TMEM232: variants seen among roughly 807,000 people sequenced by gnomAD.
TMEM232 encodes transmembrane protein 232.
A neutral mutation model predicts 78.8 loss-of-function variants in TMEM232; 80 were observed. The ratio of observed to expected loss-of-function variants is 1.01; its 90% CI spans 0.85 to 1.22. TMEM232 has a LOEUF of 1.22. Among genes scored for constraint, TMEM232 ranks in the 50% most tolerant of loss-of-function variants. TMEM232 has a pLI of 0.00. For synonymous variants in TMEM232, 297 were observed against 254.3 expected (o/e 1.17, Z -1.60); for missense variants, 881 against 742.2 (o/e 1.19, Z -2.17).
downstream of TMEM232, among the ~76,000 whole-genome samples, chr5:110,419,276 A>C (rs1756427284): frequency 6.6e-6 from 1 of 152,078 alleles, no homozygotes; most frequent in Non-Finnish European, 1.5e-5. Context: ...ATTTGAGAAC[A>C]CAAGCATAAG....
chr5:110,481,887 A>C (rs1333180249), intron 12 of TMEM232, among the ~76,000 whole-genome samples: 1 of 152,204 alleles, frequency 6.6e-6, no homozygotes, highest in Non-Finnish European at 1.5e-5. Flanking sequence ...GTGAAAGCTA[A>C]TAAGAATAGG....
chr5:110,662,429 T>G (rs1580559174), intron 2 of TMEM232, among the ~76,000 whole-genome samples: 2 of 152,168 alleles, frequency 1.3e-5, no homozygotes, highest in Non-Finnish European at 2.9e-5. Context: ...AAGATGTTGT[T>G]TCTCCAAATT....
At chr5:110,439,202 T>C (rs1029382742) in intron 12 of TMEM232, among the ~76,000 whole-genome samples, 5 of 151,866 alleles carry the variant, frequency 3.3e-5, no homozygotes, top group African/African-American at 1.2e-4. Flanking sequence ...AAGAAAGTTA[T>C]ACAAAGTTAA....
At chr5:110,668,468 A>C (rs1007405259) in intron 1 of TMEM232, among the ~76,000 whole-genome samples, 3 of 152,186 alleles carry the variant, frequency 2.0e-5, no homozygotes, top group African/African-American at 7.2e-5. Flanking sequence ...AGAAGCCAGA[A>C]AGTACAGGGG....
chr5:110,652,084 T>C (rs1262731541), intron 2 of TMEM232, among the ~76,000 whole-genome samples: 1 of 152,202 alleles, frequency 6.6e-6, no homozygotes, highest in African/African-American at 2.4e-5. Context: ...CTCAAGGTTA[T>C]ATCTTGAAAG....
chr5:110,408,077 C>A (rs1755859589), intron 2 of TMEM232, among the ~76,000 whole-genome samples: 1 of 151,818 alleles, frequency 6.6e-6, no homozygotes, highest in Non-Finnish European at 1.5e-5. Context: ...ACAACAAAAT[C>A]TATGGGATAC....
At chr5:110,479,645 CTTAT>C (rs1763648233) in intron 12 of TMEM232, among the ~76,000 whole-genome samples, 1 of 151,772 alleles carries the variant, frequency 6.6e-6, no homozygotes, top group Non-Finnish European at 1.5e-5. Context: ...CCACAACTTA[CTTAT>C]TTTACTATCA....
At chr5:110,689,603 T>C (rs1318860419) in intron 1 of TMEM232, among the ~76,000 whole-genome samples, 1 of 152,136 alleles carries the variant, frequency 6.6e-6, no homozygotes, top group Non-Finnish European at 1.5e-5. Flanking sequence ...AAGCTACCAT[T>C]GACTTTCTTC....
chr5:110,397,225 G>T (rs1259459154), intron 3 of TMEM232, among the ~76,000 whole-genome samples: 1 of 152,046 alleles, frequency 6.6e-6, no homozygotes, highest in African/African-American at 2.4e-5. Context: ...TAAACTCTTA[G>T]TTCCTCAAGA....
chr5:110,518,144 CTT>C (rs1768965367), intron 12 of TMEM232, among the ~76,000 whole-genome samples: 1 of 146,390 alleles, frequency 6.8e-6, no homozygotes, highest in South Asian at 2.1e-4. Context: ...CTCTCTCTCT[CTT>C]TCTCTGTCTC....
At chr5:110,443,880 A>G (rs777675231) in intron 12 of TMEM232, among the ~76,000 whole-genome samples, 4 of 152,164 alleles carry the variant, frequency 2.6e-5, no homozygotes, top group South Asian at 2.1e-4. Flanking sequence ...AAATGTCATC[A>G]TGGGCTAGGG....
intron 2 of TMEM232, among the ~76,000 whole-genome samples, chr5:110,399,839 T>C (rs1446283406): frequency 1.3e-5 from 2 of 152,142 alleles, no homozygotes; most frequent in Non-Finnish European, 2.9e-5. Context: ...GATCTTCTTT[T>C]CTAGATATTC....
upstream of TMEM232, among the ~76,000 whole-genome samples, chr5:110,730,356 A>AT (rs945891686): frequency 6.6e-6 from 1 of 152,252 alleles, no homozygotes; most frequent in African/African-American, 2.4e-5. Context: ...ATTAATATTG[A>AT]TTTTGTAATT....
intron 10 of TMEM232, among the ~76,000 whole-genome samples, chr5:110,578,280 TCA>T (rs1373380350): frequency 6.6e-6 from 1 of 151,940 alleles, no homozygotes; most frequent in African/African-American, 2.4e-5. Flanking sequence ...TAGATAATTC[TCA>T]CAGATTTCTG....
chr5:110,641,273 A>T (rs538241059), intron 3 of TMEM232, among the ~76,000 whole-genome samples: 2 of 152,274 alleles, frequency 1.3e-5, no homozygotes, highest in South Asian at 4.1e-4. Context: ...TCTAGTGAGT[A>T]CTTCCAATTT....
At chr5:110,715,667 T>C (rs1796936434) in intron 1 of TMEM232, among the ~76,000 whole-genome samples, 1 of 152,142 alleles carries the variant, frequency 6.6e-6, no homozygotes, top group Non-Finnish European at 1.5e-5. Context: ...CTGAATGGAC[T>C]CCTTCCTCTC....
At chr5:110,716,791 A>G (rs1019585172) in intron 1 of TMEM232, among the ~76,000 whole-genome samples, 17 of 152,132 alleles carry the variant, frequency 1.1e-4, no homozygotes, top group Non-Finnish European at 2.2e-4. Flanking sequence ...ACTTGAAGAA[A>G]CAGTTCTGTA....
At chr5:110,725,851 C>G (rs539732135) in intron 1 of TMEM232, 1 of 151,898 alleles carries the variant, frequency 6.6e-6, no homozygotes, top group Non-Finnish European at 1.5e-5. Flanking sequence ...AAAATTATAT[C>G]AAGACTTTGG....
chr5:110,481,392 A>C (rs983411803), intron 12 of TMEM232, among the ~76,000 whole-genome samples: 1 of 152,162 alleles, frequency 6.6e-6, no homozygotes, highest in Admixed American at 6.6e-5. Context: ...CTTTGGAAAA[A>C]ACTTTGTCTT....
Sources: allele counts gnomAD v4.1 joint callset (sites outside exome capture counted in the v4.1 genomes callset), GRCh38; gene constraint gnomAD v4.1.1; transcripts MANE v1.5; gene names NCBI Gene and HGNC (gene_info 2026-07-23, HGNC 2026-07-21).